Variants in BCL11B observed in about 807,000 individuals in gnomAD.
BCL11B encodes the protein BCL11 transcription factor B, also known as B-cell lymphoma/leukemia 11B.
BCL11B carries 8 observed loss-of-function variants against 49.9 expected under a neutral mutation model. The observed-to-expected ratio is 0.16, with a 90% CI of 0.09 to 0.29. The LOEUF is 0.29. BCL11B is among the 10% of genes least tolerant of loss of function. The probability of loss-of-function intolerance (pLI) is 1.00; values close to 1 mark genes in which losing one functional copy is unlikely to be tolerated. For synonymous variants in BCL11B, 739 were observed against 637.4 expected, an observed-to-expected ratio of 1.16 and a Z score of -2.40; for missense variants, 1,006 against 1,351.0, an observed-to-expected ratio of 0.74 and a Z score of 4.00.
intron 3 of BCL11B, among the ~76,000 whole-genome samples, chr14:99,208,023 C>T (rs1485025577): frequency 2.0e-5 from 3 of 152,156 alleles, no homozygotes; most frequent in African/African-American, 4.8e-5. Context: ...CAGCACAGAG[C>T]GGGTGCTTTG....
chr14:99,195,569 C>T lies in BCL11B; in HGVS notation c.641-19374G>A, dbSNP rs780623053. Among the ~76,000 whole-genome samples, 7 of 152,106 alleles carry T rather than the reference C, an allele frequency of 4.6e-5. No individual in the cohort carries two copies. Among genetic ancestry groups the T allele is most frequent in the Non-Finnish European group, 8.8e-5 (6 of 68,020 alleles). Reference sequence around the variant, plus strand: ...TATCTTCGTGAACCCCCACAAGGCTCGTATGCCTTGGATTCCACATGGAGG... The same window carrying T: ...TATCTTCGTGAACCCCCACAAGGCTTGTATGCCTTGGATTCCACATGGAGG... On this transcript the variant is annotated intron_variant, in intron 3 of 3. Coordinates refer to ENST00000357195, the MANE Select transcript of BCL11B (RefSeq NM_138576.4). The surrounding 1 kb of genome is among the most constrained non-coding windows in gnomAD (Gnocchi z 4.7).
intron 3 of BCL11B, among the ~76,000 whole-genome samples, chr14:99,214,714 C>T (rs577140811): frequency 6.6e-6 from 1 of 152,100 alleles, no homozygotes; most frequent in Non-Finnish European, 1.5e-5. Flanking sequence ...CATCTGGATG[C>T]AGCCTTCTTG....
intron 3 of BCL11B, among the ~76,000 whole-genome samples, chr14:99,178,852 G>A (rs1002663245): frequency 8.5e-5 from 13 of 152,070 alleles, no homozygotes; most frequent in Non-Finnish European, 1.0e-4. Context: ...GCTTTCCGTC[G>A]CTTTAGTTTC....
At position 99,174,612 on chromosome 14, in the gene BCL11B, C is replaced by T. The variant is rs754081029; in HGVS notation, c.2224G>A (p.Glu742Lys). 1.3e-6 allele frequency: 2 copies of T among 1,545,096 alleles called. No individual in the cohort carries two copies. The highest frequency in any genetic ancestry group is 1.4e-5 in the African/African-American group (1 of 71,342). ...ARQSPFATSS[E>K]HSSENGSLRF... is the part of the protein sequence containing the mutation. ...AGGCTGCCGTTCTCGGACGAGTGCT[C>T]GGACGACGTGGCGAAGGGCGACTGT... The change falls in exon 4 of 4, where the codon GAG becomes AAG. Residue 742 changes from glutamate to lysine, a missense_variant. By Grantham distance (56) the Glu-to-Lys change is moderately conservative (BLOSUM62 1). This residue lies in a region of BCL11B where 443 missense variants were observed against 499.7 expected (regional missense o/e 0.89). Coordinates refer to ENST00000357195, the MANE Select transcript of BCL11B (RefSeq NM_138576.4).
chr14:99,244,539 AGGCG>A (rs1482313817), intron 2 of BCL11B, among the ~76,000 whole-genome samples: 15 of 152,316 alleles, frequency 9.8e-5, no homozygotes, highest in South Asian at 8.3e-4. Flanking sequence ...AGATATTCAA[AGGCG>A]GATTCTATCT....
rs1427292579 is a variant in BCL11B at position 99,231,580 on chromosome 14, G to C, written c.428-23C>G. On this transcript the variant is annotated intron_variant, in intron 2 of 3. Coordinates refer to ENST00000357195, the MANE Select transcript of BCL11B (RefSeq NM_138576.4). The surrounding 1 kb of genome is among the most constrained non-coding windows in gnomAD (Gnocchi z 8.1). Reference sequence around the variant, plus strand: ...GCCCTGGAGAAAAAACAATAGAAAAGACTGGTCAGTCGGGCCCTGGACTGT... The same window carrying C: ...GCCCTGGAGAAAAAACAATAGAAAACACTGGTCAGTCGGGCCCTGGACTGT... The C allele has an allele frequency of 3.9e-6, 6 of 1,540,496 alleles. No individual in the cohort carries two copies. The highest frequency in any genetic ancestry group is 5.3e-6 in the Non-Finnish European group (6 of 1,140,722).
chr14:99,257,346 G>T lies in BCL11B; in HGVS notation c.427+125C>A. 7.7e-7 allele frequency: 1 copy of T among 1,293,184 alleles called. No individual in the cohort carries two copies. Among genetic ancestry groups the T allele is most frequent in the Non-Finnish European group, 1.0e-6 (1 of 970,140 alleles). The allele number at this position is 1,293,184 out of a possible 1,614,324, so 80.1% of individuals were successfully genotyped here. ...TGGACCCTCAGAAAGGGGGAGCCCC[G>T]GCTGGTGGCCCAGAGGCCATCCTGG... On this transcript the variant is annotated intron_variant, in intron 2 of 3. Coordinates refer to ENST00000357195, the MANE Select transcript of BCL11B (RefSeq NM_138576.4). The surrounding 1 kb of genome is among the most constrained non-coding windows in gnomAD (Gnocchi z 6.2).
chr14:99,230,361 T>C (rs1888291702), intron 3 of BCL11B, among the ~76,000 whole-genome samples: 2 of 152,114 alleles, frequency 1.3e-5, no homozygotes, highest in Admixed American at 1.3e-4. Flanking sequence ...CAGGGACCAA[T>C]CAAATCTGCC....
At chr14:99,234,091 C>T (rs944491304) in intron 2 of BCL11B, among the ~76,000 whole-genome samples, 8 of 152,086 alleles carry the variant, frequency 5.3e-5, no homozygotes, top group Middle Eastern at 3.4e-3. Flanking sequence ...TCCATGGATA[C>T]GAAATGTTCA....
In BCL11B at chr14:99,192,834, T is replaced by C. The variant is rs1016839003; in HGVS notation, c.641-16639A>G. 2.0e-5 allele frequency among the ~76,000 whole-genome samples: 3 copies of C among 152,164 alleles called. No individual in the cohort carries two copies. Among genetic ancestry groups the C allele is most frequent in the Admixed American group, 6.5e-5 (1 of 15,276 alleles). ...AGTCCTGCCTCTGGTCAGTGCTCAA[T>C]AGAGAATGCTATTTAATGATCAAAA... On this transcript the variant is annotated intron_variant, in intron 3 of 3. Transcript: ENST00000357195. The surrounding 1 kb of genome is among the most constrained non-coding windows in gnomAD (Gnocchi z 4.0).
chr14:99,247,854 G>T lies in BCL11B; in HGVS notation c.427+9617C>A, dbSNP rs1595072246. ...TTGTGTCCACACCCGCAACCTGAAG[G>T]CCATGGAAGCTGCCCAGGCACTCAG... On this transcript the variant is annotated intron_variant, in intron 2 of 3. Transcript: ENST00000357195. This position sits in a 1 kb window ranked among gnomAD's most constrained non-coding sequence, Gnocchi z 4.5. 6.6e-6 allele frequency among the ~76,000 whole-genome samples: 1 copy of T among 152,306 alleles called. No homozygotes were observed. The highest frequency in any genetic ancestry group is 2.4e-5 in the African/African-American group (1 of 41,574).
chr14:99,267,540 C>T (rs574715257), intron 1 of BCL11B, among the ~76,000 whole-genome samples: 1 of 8,130 alleles, frequency 1.2e-4, no homozygotes, highest in African/African-American at 2.4e-4. Flanking sequence ...GGGAGAGGAA[C>T]TTCACCCCCC....
chr14:99,250,474 T>G, intron 2 of BCL11B, among the ~76,000 whole-genome samples: 1 of 152,220 alleles, frequency 6.6e-6, no homozygotes, highest in East Asian at 1.9e-4. Flanking sequence ...ACTCCATCTC[T>G]TTGTTTCCTC....
At chr14:99,216,222 A>C (rs1409024468) in intron 3 of BCL11B, among the ~76,000 whole-genome samples, 1 of 152,208 alleles carries the variant, frequency 6.6e-6, no homozygotes, top group Non-Finnish European at 1.5e-5. Context: ...TGGGGATGTG[A>C]AAAGTGCCTT....
chr14:99,220,767 A>G (rs979744412), intron 3 of BCL11B, among the ~76,000 whole-genome samples: 13 of 152,198 alleles, frequency 8.5e-5, no homozygotes, highest in Non-Finnish European at 1.6e-4. Context: ...AAAACTCACA[A>G]TCGAAGCATT....
At chr14:99,269,522 C>CT (rs991496928) in intron 1 of BCL11B, among the ~76,000 whole-genome samples, 1 of 132,656 alleles carries the variant, frequency 7.5e-6, no homozygotes, top group East Asian at 1.9e-4. Flanking sequence ...TATTCCCCCC[C>CT]CCCCAAAAAA....
intron 2 of BCL11B, among the ~76,000 whole-genome samples, chr14:99,251,815 G>T (rs1889016403): frequency 6.6e-6 from 1 of 152,056 alleles, no homozygotes. Context: ...CGCCATCAAG[G>T]CCCCACCAGC....
At chr14:99,256,669 G>T (rs1889172864) in intron 2 of BCL11B, among the ~76,000 whole-genome samples, 1 of 152,174 alleles carries the variant, frequency 6.6e-6, no homozygotes, top group African/African-American at 2.4e-5. Flanking sequence ...CAAGAGGGAG[G>T]GACTTCATGC....
intron 2 of BCL11B, among the ~76,000 whole-genome samples, chr14:99,245,228 G>C (rs1888790362): frequency 6.6e-6 from 1 of 152,202 alleles, no homozygotes; most frequent in Admixed American, 6.5e-5. Flanking sequence ...CTAGCAAGGT[G>C]ACGATTTGCA....
Sources: allele counts gnomAD v4.1 joint callset (sites outside exome capture counted in the v4.1 genomes callset), GRCh38; gene constraint gnomAD v4.1.1; regional missense constraint gnomAD v4.1.1; non-coding constraint Gnocchi (gnomAD v3.1); transcripts MANE v1.5; gene names NCBI Gene and HGNC (gene_info 2026-07-23, HGNC 2026-07-21).